NCOR1: variants seen among roughly 807,000 people sequenced by gnomAD.
The protein encoded by NCOR1 is nuclear receptor corepressor 1, also known as protein phosphatase 1, regulatory subunit 109.
Under a neutral mutation model 288.1 loss-of-function variants are expected in NCOR1, and 63 were observed. The ratio of observed to expected loss-of-function variants is 0.22; its 90% CI spans 0.18 to 0.27. The LOEUF (loss-of-function observed/expected upper bound fraction) is 0.27. Among genes scored for constraint, NCOR1 ranks in the 10% least tolerant of loss-of-function variants. The probability of loss-of-function intolerance (pLI) is 1.00; values close to 1 mark genes in which losing one functional copy is unlikely to be tolerated. For synonymous variants in NCOR1, 1,007 were observed against 1,065.9 expected (o/e 0.94, Z 1.08); for missense variants, 2,397 against 3,019.2 (o/e 0.79, Z 4.83).
chr17:16,121,321 CGAA>C lies in NCOR1; in HGVS notation c.1635-55_1635-53del, dbSNP rs768171006. 136 of 1,430,856 alleles carry C rather than the reference CGAA, an allele frequency of 9.5e-5. 1 individual carries two copies. The East Asian group carries it at 3.3e-3, about 34-fold the overall frequency. The allele number at this position is 1,430,856 out of a possible 1,614,324, so 88.6% of individuals were successfully genotyped here. On this transcript the variant is annotated intron_variant, in intron 15 of 45. Transcript: ENST00000268712. ...GTGTGATTCCAAAGTATACATACAT[CGAA>C]GAAGGTTTTAGTTTTGAATATTATC...
intron 45 of NCOR1, among the ~76,000 whole-genome samples, chr17:16,034,313 G>A (rs147245953): frequency 6.6e-6 from 1 of 152,080 alleles, no homozygotes; most frequent in Non-Finnish European, 1.5e-5. Flanking sequence ...TCTATTCTGG[G>A]TGTGTGCATT....
At chr17:16,100,399 G>A (rs542503826) in intron 20 of NCOR1, among the ~76,000 whole-genome samples, 6 of 152,180 alleles carry the variant, frequency 3.9e-5, no homozygotes, top group Non-Finnish European at 8.8e-5. Context: ...CCAGCACTTT[G>A]GGAGGCTGAG....
chr17:16,032,067 ATTAT>A lies in NCOR1; in HGVS notation c.*225_*228del. On this transcript the variant is annotated 3_prime_UTR_variant, in exon 46 of 46. Coordinates refer to ENST00000268712, the MANE Select transcript of NCOR1 (RefSeq NM_006311.4). ...CTCTACATCTCAACCCTCCACTATT[ATTAT>A]AGTCCACTGAATTGCCTGTATCAAA... 1 of 491,832 alleles carries A rather than the reference ATTAT, an allele frequency of 2.0e-6. No homozygotes were observed. Among genetic ancestry groups the A allele is most frequent in the Non-Finnish European group, 3.5e-6 (1 of 282,008 alleles). 30.5% of individuals were successfully genotyped at this position (491,832 alleles called of 1,614,324 possible).
chr17:16,057,202 G>C (rs1192158345), intron 40 of NCOR1: 2 of 291,492 alleles, frequency 6.9e-6, no homozygotes, highest in African/African-American at 2.2e-5. Flanking sequence ...AAATATGAGA[G>C]GTATTATTCG....
At chr17:16,127,716 T>TACAC (rs2074942633) in intron 14 of NCOR1, among the ~76,000 whole-genome samples, 2 of 124,624 alleles carry the variant, frequency 1.6e-5, no homozygotes, top group Non-Finnish European at 3.6e-5. Context: ...TGTGTGTGTA[T>TACAC]ATATACATAT....
At chr17:16,139,352 T>C (rs1568279252) in intron 11 of NCOR1, among the ~76,000 whole-genome samples, 166 bp from the exon 12 acceptor site, 1 of 152,234 alleles carries the variant, frequency 6.6e-6, no homozygotes, top group Non-Finnish European at 1.5e-5. Context: ...ATATATCTAA[T>C]AAATATTCAC....
chr17:16,094,104 T>C (rs1233664697), intron 21 of NCOR1, among the ~76,000 whole-genome samples: 2 of 151,984 alleles, frequency 1.3e-5, no homozygotes, highest in African/African-American at 2.4e-5. Context: ...GGTTTCGCTA[T>C]GTTGCCCAAG....
Position 16,031,474 on chromosome 17 carries a change from G to T in NCOR1, c.*822C>A, listed in dbSNP as rs77866703. On this transcript the variant is annotated 3_prime_UTR_variant, in exon 46 of 46. Transcript: ENST00000268712. ...GGCTGCATCAAATGCAGGAGAAAAGGAATACTTAGGGGCATGGTTAAATTA... is the reference window on the plus strand; with the variant it reads ...GGCTGCATCAAATGCAGGAGAAAAGTAATACTTAGGGGCATGGTTAAATTA... 8.0e-3 allele frequency: 1,601 copies of T among 199,032 alleles called. 6 individuals carry two copies. The highest frequency in any genetic ancestry group is 0.012 in the Non-Finnish European group (1,182 of 96,386). 12.3% of individuals were successfully genotyped at this position (199,032 alleles called of 1,614,324 possible).
In NCOR1 at chr17:16,068,268, AATATGAAAATGTAAACAAC is replaced by A. The variant is rs953872952; in HGVS notation, c.4514-166_4514-148del. On this transcript the variant is annotated intron_variant, in intron 31 of 45. Transcript: ENST00000268712. ...CAACATTTAACATTCAATATTGCAA[AATATGAAAATGTAAACAAC>A]ATATGAAAATGTAAACAACTAGTAG... The A allele has an allele frequency of 9.4e-5, 63 of 671,850 alleles. No homozygotes were observed. The East Asian group carries it at 1.1e-3, about 12-fold the overall frequency. 41.6% of individuals were successfully genotyped at this position (671,850 alleles called of 1,614,324 possible).
chr17:16,160,508 T>C lies in NCOR1; in HGVS notation c.619-1635A>G, dbSNP rs541369057. Among the ~76,000 whole-genome samples the C allele has an allele frequency of 2.0e-5, 3 of 152,280 alleles. No homozygotes were observed. The South Asian group carries it at 6.2e-4, about 32-fold the overall frequency. The stretch of plus-strand genomic sequence containing the variant: ...TATCTATACTACTAAATAAGACTGA[T>C]AGGCCGGGTGCAATGGCTCACACCT... On this transcript the variant is annotated intron_variant, in intron 5 of 45. Coordinates refer to ENST00000268712, the MANE Select transcript of NCOR1 (RefSeq NM_006311.4).
intron 3 of NCOR1, among the ~76,000 whole-genome samples, chr17:16,178,935 C>T (rs918358418): frequency 6.7e-6 from 1 of 149,212 alleles, no homozygotes; most frequent in Non-Finnish European, 1.5e-5. Flanking sequence ...TGAGACCCTG[C>T]TTCTACTAAA....
chr17:16,127,573 A>ATACACATGTGTATATATGTATG (rs2074756914), intron 14 of NCOR1, among the ~76,000 whole-genome samples: 1 of 144,774 alleles, frequency 6.9e-6, no homozygotes. Flanking sequence ...ATGTATGTAT[A>ATACACATGTGTATATATGTATG]TATACATATG....
chr17:16,046,911 G>A (rs1160463957), intron 42 of NCOR1, 40 bp downstream of exon 42: 2 of 1,606,754 alleles, frequency 1.2e-6, no homozygotes, highest in Admixed American at 1.7e-5. Context: ...CATTATTAAT[G>A]CATGTTTTAT....
chr17:16,091,539 A>G (rs1373474267), intron 22 of NCOR1: 4 of 1,100,274 alleles, frequency 3.6e-6, no homozygotes, highest in African/African-American at 1.9e-5. Flanking sequence ...CTTCAAGGAC[A>G]GGACAACAAT....
intron 23 of NCOR1, among the ~76,000 whole-genome samples, chr17:16,080,957 C>T (rs1192203831): frequency 1.3e-5 from 2 of 151,794 alleles, no homozygotes; most frequent in African/African-American, 2.4e-5. Flanking sequence ...AATTACCATA[C>T]ATTACATGTA....
At chr17:16,099,153 A>G (rs1444440415) in intron 20 of NCOR1, among the ~76,000 whole-genome samples, 8 of 152,088 alleles carry the variant, frequency 5.3e-5, no homozygotes. Context: ...AGCAGCCGCC[A>G]CCCCGCTCAC....
Position 16,049,052 on chromosome 17 carries a change from A to C in NCOR1, c.6393-64T>G, listed in dbSNP as rs1597842407. 4 of 1,454,134 alleles carry C rather than the reference A, an allele frequency of 2.8e-6. No homozygotes were observed. The East Asian group carries it at 9.8e-5, about 36-fold the overall frequency. The allele number at this position is 1,454,134 out of a possible 1,614,324, so 90.1% of individuals were successfully genotyped here. A position where few individuals can be genotyped will look rare whatever the true frequency, so the allele number is the denominator to read the frequency against. On this transcript the variant is annotated intron_variant, in intron 40 of 45. Transcript: ENST00000268712. ...GCTAACCTGGGACTTACCTAAACAG[A>C]AACTTGTTAACTCATGACTTCATTC...
chr17:16,144,936 C>T (rs1366565246), intron 10 of NCOR1, among the ~76,000 whole-genome samples: 1 of 152,174 alleles, frequency 6.6e-6, no homozygotes, highest in Non-Finnish European at 1.5e-5. Context: ...CTCCTTCTCC[C>T]GCTTTCCACC....
rs569720176 is a variant in NCOR1, at chr17:16,054,093, A to C, written c.6392+3421T>G. ...TGTAAAAAAAAAAAAAAAAAAAAAA[A>C]CTATAAAAACCTTGGAAGACAACCT... On this transcript the variant is annotated intron_variant, in intron 40 of 45. Coordinates refer to ENST00000268712, the MANE Select transcript of NCOR1 (RefSeq NM_006311.4). 3.4e-5 allele frequency among the ~76,000 whole-genome samples: 5 copies of C among 146,346 alleles called. No homozygotes were observed. The East Asian group carries it at 7.9e-4, about 23-fold the overall frequency.
Sources: gnomAD v4.1 joint callset for allele counts (sites outside exome capture counted in the v4.1 genomes callset) on GRCh38, gnomAD v4.1.1 for gene constraint, MANE v1.5 for transcripts, NCBI Gene and HGNC (gene_info 2026-07-23, HGNC 2026-07-21) for gene names.